RARB: variants seen among roughly 807,000 people sequenced by gnomAD.
RARB encodes the protein retinoic acid receptor beta.
A neutral mutation model predicts 51.9 loss-of-function variants in RARB; 17 were observed. That is an observed-to-expected ratio of 0.33 (90% confidence interval 0.22 to 0.49). The LOEUF (loss-of-function observed/expected upper bound fraction) is 0.49, where lower values mean the gene tolerates loss of function less well. Ranked by LOEUF, RARB falls within the 20% of genes least tolerant of loss-of-function variation. RARB has a pLI of 0.99. For missense variants in RARB, 369 were observed against 550.8 expected (o/e 0.67, Z 3.30); for synonymous variants, 215 against 195.4 (o/e 1.10, Z -0.84).
intron 2 of RARB, among the ~76,000 whole-genome samples, chr3:25,049,890 AGTTCTCTCATG>A (rs1698292227): frequency 6.6e-6 from 1 of 152,198 alleles, no homozygotes; most frequent in African/African-American, 2.4e-5. Flanking sequence ...AGCAAAATAT[AGTTCTCTCATG>A]GACCTCAAAG....
At chr3:24,929,701 T>A (rs898340514) in intron 2 of RARB, among the ~76,000 whole-genome samples, 2 of 152,066 alleles carry the variant, frequency 1.3e-5, no homozygotes, top group Non-Finnish European at 2.9e-5. Context: ...TCCTCTCTAC[T>A]TTTTATCTGG....
At chr3:25,260,506 G>A (rs896447607) in intron 5 of RARB, among the ~76,000 whole-genome samples, 3 of 152,024 alleles carry the variant, frequency 2.0e-5, no homozygotes, top group Non-Finnish European at 4.4e-5. Flanking sequence ...ACAAGACAGG[G>A]ACCCACTGAG....
At chr3:25,223,027 C>T (rs1701980885) in intron 5 of RARB, among the ~76,000 whole-genome samples, 1 of 151,996 alleles carries the variant, frequency 6.6e-6, no homozygotes. Context: ...TTAGCTTTAT[C>T]GAGGTGTAAT....
intron 4 of RARB, among the ~76,000 whole-genome samples, chr3:25,152,242 T>C (rs1156401320): frequency 1.3e-5 from 2 of 152,232 alleles, no homozygotes; most frequent in East Asian, 3.9e-4. Context: ...TCTCTGATTT[T>C]GAATTGCTGT....
chr3:25,421,193 A>G (rs1293998968), intron 5 of RARB, among the ~76,000 whole-genome samples: 1 of 151,922 alleles, frequency 6.6e-6, no homozygotes, highest in Non-Finnish European at 1.5e-5. Flanking sequence ...AACTAGGTAT[A>G]TGCAGCAAAT....
At chr3:25,103,223 C>G (rs1192226683) in intron 3 of RARB, among the ~76,000 whole-genome samples, 1 of 152,118 alleles carries the variant, frequency 6.6e-6, no homozygotes, top group African/African-American at 2.4e-5. Flanking sequence ...CAATGGTTGA[C>G]TTTATTGTTG....
At chr3:24,947,121 C>T (rs1032396895) in intron 2 of RARB, among the ~76,000 whole-genome samples, 1 of 152,106 alleles carries the variant, frequency 6.6e-6, no homozygotes, top group African/African-American at 2.4e-5. Flanking sequence ...TTTTCCAAGA[C>T]AAGACATATG....
In RARB at chr3:24,987,433, A is replaced by G. The variant is rs139415387; in HGVS notation, c.-379-72692A>G. On this transcript the variant is annotated intron_variant, in intron 2 of 11. Coordinates refer to the RARB transcript ENST00000383772. ...AAATGGTGCAGTGTGGAAAATGATG[A>G]CCCCAGAGGGGTTGGATGAAATCTT... is the stretch of plus-strand genomic sequence containing the variant. Among the ~76,000 whole-genome samples, 776 of 152,304 alleles carry G rather than the reference A, an allele frequency of 5.1e-3. 20 individuals carry two copies. In the East Asian group the frequency reaches 0.085, roughly 17 times the overall value.
chr3:25,206,144 T>C (rs2125374658), intron 5 of RARB, among the ~76,000 whole-genome samples: 1 of 152,360 alleles, frequency 6.6e-6, no homozygotes, highest in South Asian at 2.1e-4. Context: ...TAGATGATGA[T>C]AATATGGCTA....
intron 5 of RARB, among the ~76,000 whole-genome samples, chr3:25,263,405 T>C (rs1205351248): frequency 6.6e-6 from 1 of 152,078 alleles, no homozygotes; most frequent in Non-Finnish European, 1.5e-5. Flanking sequence ...TAACTCTGAG[T>C]TAACTAGTCT....
At chr3:25,309,673 T>A (rs906738214) in intron 5 of RARB, among the ~76,000 whole-genome samples, 12 of 150,974 alleles carry the variant, frequency 7.9e-5, no homozygotes, top group African/African-American at 2.7e-4. Flanking sequence ...AATTTTTGTA[T>A]TTTTAGTAGA....
chr3:24,849,646 C>T (rs754207407), intron 1 of RARB, among the ~76,000 whole-genome samples: 2 of 152,240 alleles, frequency 1.3e-5, no homozygotes, highest in East Asian at 3.8e-4. Flanking sequence ...TTCTCAAATA[C>T]AGGTATTTTC....
intron 2 of RARB, among the ~76,000 whole-genome samples, chr3:25,013,485 T>G (rs1400863644): frequency 6.6e-6 from 1 of 152,134 alleles, no homozygotes; most frequent in Admixed American, 6.6e-5. Flanking sequence ...TGATTAGATT[T>G]CCTGTTTCAG....
intron 5 of RARB, among the ~76,000 whole-genome samples, chr3:25,215,994 T>C (rs1701825081): frequency 6.6e-6 from 1 of 152,258 alleles, no homozygotes; most frequent in South Asian, 2.1e-4. Context: ...GAAGTGCCTT[T>C]CATACTCAAG....
intron 3 of RARB, among the ~76,000 whole-genome samples, chr3:25,097,969 C>T (rs1441236090): frequency 6.6e-6 from 1 of 152,084 alleles, no homozygotes; most frequent in Non-Finnish European, 1.5e-5. Flanking sequence ...GTTTAAAGTC[C>T]TTTGGAGATT....
chr3:25,211,140 A>G (rs1016417640), intron 5 of RARB, among the ~76,000 whole-genome samples: 15 of 152,196 alleles, frequency 9.9e-5, no homozygotes, highest in African/African-American at 3.6e-4. Flanking sequence ...ATCAATTGAT[A>G]TTATTGATGT....
intron 2 of RARB, among the ~76,000 whole-genome samples, chr3:25,053,473 C>A (rs890782571): frequency 1.3e-5 from 2 of 152,106 alleles, no homozygotes; most frequent in South Asian, 2.1e-4. Context: ...GAATTGAATC[C>A]TTGGCGGCAG....
chr3:25,505,127 C>A (rs1425684550), intron 3 of RARB, among the ~76,000 whole-genome samples: 1 of 152,126 alleles, frequency 6.6e-6, no homozygotes, highest in Non-Finnish European at 1.5e-5. Flanking sequence ...CATAACAACC[C>A]TATGAGATAG....
chr3:25,116,926 C>G (rs1316028765), intron 3 of RARB, among the ~76,000 whole-genome samples: 1 of 152,050 alleles, frequency 6.6e-6, no homozygotes. Flanking sequence ...GAAATTATTG[C>G]ATAGACAAGA....
Sources: gnomAD v4.1 joint callset for allele counts (sites outside exome capture counted in the v4.1 genomes callset) on GRCh38, gnomAD v4.1.1 for gene constraint, MANE v1.5 for transcripts, NCBI Gene and HGNC (gene_info 2026-07-23, HGNC 2026-07-21) for gene names.